The following LRGUK variants were observed in gnomAD, a reference collection of about 807,000 sequenced individuals.
The protein encoded by LRGUK is leucine-rich repeat and guanylate kinase domain-containing protein.
In LRGUK, 65 loss-of-function variants were observed where a neutral mutation model predicts 76.0. The ratio of observed to expected loss-of-function variants is 0.85; its 90% CI spans 0.70 to 1.05. The LOEUF (loss-of-function observed/expected upper bound fraction) is 1.05. Ranked by LOEUF, LRGUK falls within the 50% of genes least tolerant of loss-of-function variation. The pLI, the probability that LRGUK is intolerant of heterozygous loss-of-function variation, is 0.00. For missense variants in LRGUK, 758 were observed against 732.8 expected (o/e 1.03, Z -0.40); for synonymous variants, 268 against 265.6 (o/e 1.01, Z -0.09).
chr7:134,161,622 T>C (rs1798733977), intron 6 of LRGUK, among the ~76,000 whole-genome samples: 2 of 151,902 alleles, frequency 1.3e-5, no homozygotes, highest in African/African-American at 4.8e-5. Context: ...AAATGAGCTC[T>C]TGCTATGAAA....
chr7:134,244,010 T>C (rs1802231548), intron 16 of LRGUK, among the ~76,000 whole-genome samples: 4 of 152,172 alleles, frequency 2.6e-5, no homozygotes, highest in African/African-American at 9.7e-5. Flanking sequence ...TGTAGAAAGC[T>C]GAAACTGAAT....
intron 4 of LRGUK, among the ~76,000 whole-genome samples, 171 bp from the exon 5 acceptor site, chr7:134,148,067 A>G (rs1298790306): frequency 6.7e-6 from 1 of 150,310 alleles, no homozygotes; most frequent in Non-Finnish European, 1.5e-5. Flanking sequence ...TTTTCAAAAA[A>G]AAAAAAAAAA....
In LRGUK at chr7:134,157,317, C is replaced by T. The variant is rs57380970; in HGVS notation, c.671-718C>T. Among the ~76,000 whole-genome samples, 1,202 of 152,212 alleles carry T rather than the reference C, an allele frequency of 7.9e-3. 23 individuals carry two copies. The highest frequency in any genetic ancestry group is 0.028 in the African/African-American group (1,167 of 41,538). On this transcript the variant is annotated intron_variant, in intron 5 of 15. Coordinates refer to ENST00000645682, the Ensembl canonical transcript of LRGUK. ...GATGACATCTCCCAGGCTCTTAGCC[C>T]AGTTATGAGGATGATAATGCATGGT...
intron 18 of LRGUK, among the ~76,000 whole-genome samples, chr7:134,252,922 T>C (rs1585604110): frequency 2.0e-5 from 3 of 152,228 alleles, no homozygotes; most frequent in Admixed American, 2.0e-4. Context: ...GACTGGCTCC[T>C]ACCCTTTTAA....
chr7:134,195,012 G>A (rs1401108192), intron 12 of LRGUK, among the ~76,000 whole-genome samples: 1 of 152,128 alleles, frequency 6.6e-6, no homozygotes, highest in Non-Finnish European at 1.5e-5. Context: ...AACTTAGTGG[G>A]TGGGGGGAAG....
intron 16 of LRGUK, among the ~76,000 whole-genome samples, chr7:134,233,024 A>C (rs2117177929): frequency 6.6e-6 from 1 of 152,326 alleles, no homozygotes; most frequent in African/African-American, 2.4e-5. Flanking sequence ...AAAAGTGCAC[A>C]GCTCTTTTCT....
chr7:134,247,077 G>C (rs2544174), intron 16 of LRGUK, among the ~76,000 whole-genome samples: 11,827 of 152,178 alleles, frequency 0.078, 1,132 homozygotes, highest in African/African-American at 0.22. Flanking sequence ...GCTTACTAAA[G>C]AATGATAGTG....
At chr7:134,171,042 G>A (rs186690413) in intron 7 of LRGUK, among the ~76,000 whole-genome samples, 47 of 152,096 alleles carry the variant, frequency 3.1e-4, no homozygotes, top group Middle Eastern at 3.4e-3. Context: ...TACAGAAAAC[G>A]TAAATAAAAC....
chr7:134,142,461 T>C (rs1797805176), intron 3 of LRGUK, among the ~76,000 whole-genome samples: 1 of 152,232 alleles, frequency 6.6e-6, no homozygotes, highest in African/African-American at 2.4e-5. Flanking sequence ...TCAAAGTGTG[T>C]GCTTGGGATA....
At chr7:134,146,094 T>A (rs1169192975) in intron 4 of LRGUK, among the ~76,000 whole-genome samples, 1 of 152,054 alleles carries the variant, frequency 6.6e-6, no homozygotes, top group African/African-American at 2.4e-5. Context: ...GTCAACATGG[T>A]GAAACCCTGC....
At chr7:134,147,726 C>G (rs961112469) in intron 4 of LRGUK, among the ~76,000 whole-genome samples, 1 of 152,070 alleles carries the variant, frequency 6.6e-6, no homozygotes, top group Admixed American at 6.6e-5. Context: ...AAGAGGCCTT[C>G]TTACTATCCC....
downstream of LRGUK, among the ~76,000 whole-genome samples, chr7:134,267,748 C>T (rs779389330): frequency 7.2e-5 from 11 of 152,000 alleles, no homozygotes; most frequent in Admixed American, 3.3e-4. Context: ...ACCCAGTCTA[C>T]GGTATGTCTT....
chr7:134,262,381 A>G (rs1218329636), intron 19 of LRGUK, among the ~76,000 whole-genome samples: 1 of 152,202 alleles, frequency 6.6e-6, no homozygotes, highest in African/African-American at 2.4e-5. Flanking sequence ...CTCAAAAATA[A>G]ATAAAAATAA....
chr7:134,256,277 G>A (rs1802575433), intron 18 of LRGUK, among the ~76,000 whole-genome samples: 1 of 151,922 alleles, frequency 6.6e-6, no homozygotes, highest in African/African-American at 2.4e-5. Flanking sequence ...GGCCAACATG[G>A]AGAAACCCCG....
At chr7:134,196,544 C>T (rs972755559) in intron 12 of LRGUK, among the ~76,000 whole-genome samples, 11 of 152,140 alleles carry the variant, frequency 7.2e-5, no homozygotes, top group Non-Finnish European at 1.5e-4. Context: ...TAATTCATGG[C>T]TTATCTTGGT....
In LRGUK at chr7:134,197,104, AAGT is replaced by A; in HGVS notation, c.1545+1_1545+3del. 6.4e-7 allele frequency: 1 copy of A among 1,571,586 alleles called. No individual in the cohort carries two copies. The highest frequency in any genetic ancestry group is 8.8e-7 in the Non-Finnish European group (1 of 1,141,640). On this transcript the variant is annotated splice_donor_variant and coding_sequence_variant, in exon 13 of 16. Coordinates refer to ENST00000645682, the Ensembl canonical transcript of LRGUK. LOFTEE classifies it high-confidence loss of function. ...GCAAGCTGTATTCATATGGAAATAG[AAGT>A]AAGTGTTTTCATTCAACCAATTAAT... is the stretch of plus-strand genomic sequence containing the variant.
intron 15 of LRGUK, among the ~76,000 whole-genome samples, chr7:134,220,880 T>C (rs1311846213): frequency 6.6e-6 from 1 of 152,122 alleles, no homozygotes; most frequent in East Asian, 1.9e-4. Flanking sequence ...AAGTCGGGTC[T>C]TGTGTGCCAA....
At chr7:134,129,456 T>C (rs1585404150) in intron 1 of LRGUK, among the ~76,000 whole-genome samples, 1 of 84,208 alleles carries the variant, frequency 1.2e-5, no homozygotes, top group African/African-American at 4.8e-5. Context: ...GTCCCTCCCC[T>C]CCCCTCCTCT....
At chr7:134,141,448 G>T (rs1043944268) in intron 3 of LRGUK, among the ~76,000 whole-genome samples, 6 of 152,208 alleles carry the variant, frequency 3.9e-5, no homozygotes, top group African/African-American at 9.7e-5. Context: ...GACACGAGGA[G>T]CTCCTGCCCT....
Sources: gnomAD v4.1 joint callset for allele counts (sites outside exome capture counted in the v4.1 genomes callset) on GRCh38, gnomAD v4.1.1 for gene constraint, MANE v1.5 for transcripts, NCBI Gene and HGNC (gene_info 2026-07-23, HGNC 2026-07-21) for gene names.